The following COMMD10 variants were observed in gnomAD, a reference collection of about 807,000 sequenced individuals.
COMMD10 encodes the protein COMM domain containing 10.
A neutral mutation model predicts 28.9 loss-of-function variants in COMMD10; 33 were observed. That is an observed-to-expected ratio of 1.14 (90% CI 0.87 to 1.53). The LOEUF (loss-of-function observed/expected upper bound fraction) is 1.53, where lower values mean the gene tolerates loss of function less well. Among genes scored for constraint, COMMD10 ranks in the 40% most tolerant of loss-of-function variants. The probability of loss-of-function intolerance (pLI) is 0.00; values close to 1 mark genes in which losing one functional copy is unlikely to be tolerated. For synonymous variants in COMMD10, 110 were observed against 81.7 expected (o/e 1.35, Z -1.87); for missense variants, 310 against 233.4 (o/e 1.33, Z -2.14).
At chr5:116,178,386 C>CT (rs1171651359) in intron 5 of COMMD10, among the ~76,000 whole-genome samples, 1 of 152,054 alleles carries the variant, frequency 6.6e-6, no homozygotes. Context: ...ACAAAACTTA[C>CT]TTTATAAAAT....
chr5:116,184,203 T>G (rs1406341783), intron 5 of COMMD10, among the ~76,000 whole-genome samples: 3 of 129,826 alleles, frequency 2.3e-5, no homozygotes, highest in African/African-American at 4.9e-5. Flanking sequence ...TTCTATGTGG[T>G]TCTTAGTTCT....
intron 5 of COMMD10, among the ~76,000 whole-genome samples, chr5:116,250,528 G>A (rs1187549745): frequency 6.6e-6 from 1 of 151,716 alleles, no homozygotes; most frequent in Non-Finnish European, 1.5e-5. Context: ...CATACATGAT[G>A]ACTTCTTATC....
intron 5 of COMMD10, among the ~76,000 whole-genome samples, chr5:116,244,164 A>G (rs996253698): frequency 7.4e-5 from 9 of 122,024 alleles, no homozygotes; most frequent in African/African-American, 3.9e-4. Flanking sequence ...CTTAAAGAAA[A>G]TATAGGTTGA....
At chr5:116,266,404 G>T (rs1046657560) in intron 5 of COMMD10, among the ~76,000 whole-genome samples, 20 of 151,584 alleles carry the variant, frequency 1.3e-4, no homozygotes, top group Non-Finnish European at 2.5e-4. Context: ...ACTGAAATCC[G>T]CAGCGATGCT....
At chr5:116,290,151 C>G (rs2051847496) in intron 5 of COMMD10, among the ~76,000 whole-genome samples, 1 of 151,786 alleles carries the variant, frequency 6.6e-6, no homozygotes, top group Admixed American at 6.6e-5. Flanking sequence ...ACTTGTCTTG[C>G]TTTTCTCAGA....
intron 4 of COMMD10, among the ~76,000 whole-genome samples, chr5:116,113,005 G>C (rs1023126278): frequency 6.6e-6 from 1 of 152,118 alleles, no homozygotes; most frequent in African/African-American, 2.4e-5. Context: ...CTGTAGGACT[G>C]GTCTAGTTTT....
At chr5:116,141,126 A>G (rs1027437781) in intron 5 of COMMD10, among the ~76,000 whole-genome samples, 1 of 151,150 alleles carries the variant, frequency 6.6e-6, no homozygotes, top group Non-Finnish European at 1.5e-5. Context: ...TAAAGGTCCA[A>G]TTTCATTGTT....
At chr5:116,168,466 C>T (rs111994189) in intron 5 of COMMD10, among the ~76,000 whole-genome samples, 8,065 of 152,096 alleles carry the variant, frequency 0.053, 297 homozygotes, top group African/African-American at 0.11. Context: ...TTGAACTCAG[C>T]GCTGGACCAA....
chr5:116,182,031 T>C lies in COMMD10; in HGVS notation c.510+47853T>C, dbSNP rs111509716. 2.1e-3 allele frequency among the ~76,000 whole-genome samples: 313 copies of C among 152,214 alleles called. 3 individuals are homozygous for C. The highest frequency in any genetic ancestry group is 7.0e-3 in the African/African-American group (290 of 41,552). Reference sequence around the variant, plus strand: ...AATTATGTAGTTGCCAGTTGAAATATGTCATGTGAAGGACAAGAACAAGGA... The same window carrying C: ...AATTATGTAGTTGCCAGTTGAAATACGTCATGTGAAGGACAAGAACAAGGA... On this transcript the variant is annotated intron_variant, in intron 5 of 6. Transcript: ENST00000274458.
chr5:116,228,391 A>C (rs1267823633), intron 5 of COMMD10, among the ~76,000 whole-genome samples: 1 of 151,976 alleles, frequency 6.6e-6, no homozygotes, highest in Non-Finnish European at 1.5e-5. Flanking sequence ...GATTTTGCCC[A>C]ATGACACAAG....
chr5:116,215,268 T>C (rs1277659591), intron 5 of COMMD10, among the ~76,000 whole-genome samples: 1 of 152,138 alleles, frequency 6.6e-6, no homozygotes, highest in Non-Finnish European at 1.5e-5. Context: ...CAACATTTTA[T>C]ACAGATGTAA....
At chr5:116,222,258 G>A (rs139732855) in intron 5 of COMMD10, among the ~76,000 whole-genome samples, 54 of 152,172 alleles carry the variant, frequency 3.5e-4, no homozygotes, top group Admixed American at 1.2e-3. Context: ...AAATAGTAAG[G>A]CAGTCTGTAT....
chr5:116,219,152 C>CT (rs1314135665), intron 5 of COMMD10, among the ~76,000 whole-genome samples: 1 of 152,132 alleles, frequency 6.6e-6, no homozygotes, highest in Non-Finnish European at 1.5e-5. Flanking sequence ...TGATCTTGGA[C>CT]TTTCAGCTTC....
chr5:116,278,670 G>T (rs1255413991), intron 5 of COMMD10, among the ~76,000 whole-genome samples: 4 of 151,704 alleles, frequency 2.6e-5, no homozygotes, highest in South Asian at 2.1e-4. Context: ...AAAGGTTTCT[G>T]GTCAAAGACA....
intron 5 of COMMD10, among the ~76,000 whole-genome samples, chr5:116,156,948 G>A (rs538704101): frequency 1.8e-4 from 27 of 152,066 alleles, no homozygotes; most frequent in African/African-American, 6.5e-4. Flanking sequence ...TTGCCATATT[G>A]CCTTATGGTG....
At chr5:116,245,742 C>G (rs1162576420) in intron 5 of COMMD10, among the ~76,000 whole-genome samples, 1 of 152,126 alleles carries the variant, frequency 6.6e-6, no homozygotes, top group African/African-American at 2.4e-5. Context: ...ACAAAAACCA[C>G]ATGATTATCT....
chr5:116,097,033 T>C (rs1163200309), intron 4 of COMMD10, among the ~76,000 whole-genome samples: 1 of 152,176 alleles, frequency 6.6e-6, no homozygotes, highest in Non-Finnish European at 1.5e-5. Context: ...TGTTTTCTGC[T>C]TCTAATAGTA....
At chr5:116,173,823 TTTTTG>T (rs142343349) in intron 5 of COMMD10, among the ~76,000 whole-genome samples, 26,137 of 147,160 alleles carry the variant, frequency 0.18, 3,030 homozygotes, top group African/African-American at 0.35. Flanking sequence ...TGTTTTTGGG[TTTTTG>T]TTTTGTTTTG....
intron 5 of COMMD10, among the ~76,000 whole-genome samples, chr5:116,144,828 G>T (rs1369566266): frequency 6.6e-6 from 1 of 151,816 alleles, no homozygotes; most frequent in Non-Finnish European, 1.5e-5. Flanking sequence ...TCGGAAATAG[G>T]ACAGTTTATG....
Sources: gnomAD v4.1 joint callset for allele counts (sites outside exome capture counted in the v4.1 genomes callset) on GRCh38, gnomAD v4.1.1 for gene constraint, MANE v1.5 for transcripts, NCBI Gene and HGNC (gene_info 2026-07-23, HGNC 2026-07-21) for gene names.